UGGT2: variants seen among roughly 807,000 people sequenced by gnomAD.
UGGT2 encodes the protein UDP-glucose:glycoprotein glucosyltransferase 2.
In UGGT2, 180 loss-of-function variants were observed where a neutral mutation model predicts 192.1. The observed-to-expected ratio is 0.94, with a 90% confidence interval of 0.83 to 1.06. The LOEUF is 1.06. Ranked by LOEUF, UGGT2 falls within the 50% of genes least tolerant of loss-of-function variation. The probability of loss-of-function intolerance (pLI) is 0.00; values close to 1 mark genes in which losing one functional copy is unlikely to be tolerated. For synonymous variants in UGGT2, 580 were observed against 591.0 expected (o/e 0.98, Z 0.27); for missense variants, 1,849 against 1,795.7 (o/e 1.03, Z -0.54).
In UGGT2 at chr13:95,931,553, G is replaced by A. The variant is rs983091800; in HGVS notation, c.1978-4217C>T. Among the ~76,000 whole-genome samples the A allele has an allele frequency of 2.1e-3, 324 of 151,932 alleles. 3 individuals are homozygous for A. Among genetic ancestry groups the A allele is most frequent in the Non-Finnish European group, 3.3e-3 (223 of 67,882 alleles). On this transcript the variant is annotated intron_variant, in intron 17 of 38. Transcript: ENST00000376747. ...ACGGTGCCGGGGCAGGGTGGGGTGG[G>A]GTGGGGGTGGGGGGGAGGCTCAGGC...
At chr13:95,985,461 G>A in intron 9 of UGGT2, 1 of 281,238 alleles carries the variant, frequency 3.6e-6, no homozygotes, top group Middle Eastern at 9.1e-4. Context: ...TGAAGATTCT[G>A]TAATCTGTAT....
intron 2 of UGGT2, 72 bp downstream of exon 2, chr13:96,031,816 TA>T: frequency 1.7e-6 from 2 of 1,168,924 alleles, no homozygotes; most frequent in Non-Finnish European, 2.4e-6. Context: ...CCATTACCAT[TA>T]AAAAATAATA....
chr13:95,878,338 T>C (rs377020741), intron 27 of UGGT2, among the ~76,000 whole-genome samples: 7 of 152,100 alleles, frequency 4.6e-5, no homozygotes, highest in African/African-American at 1.4e-4. Flanking sequence ...ACTTCCAAAG[T>C]GGAAAGAAGA....
chr13:95,853,812 T>C (rs540756460), intron 35 of UGGT2, among the ~76,000 whole-genome samples, 155 bp from the exon 36 acceptor site: 81 of 152,338 alleles, frequency 5.3e-4, no homozygotes, highest in African/African-American at 1.9e-3. Context: ...TAATATCTAA[T>C]ACTGTTTCCC....
At chr13:95,888,539 G>A (rs9525077) in intron 25 of UGGT2, among the ~76,000 whole-genome samples, 128,903 of 152,182 alleles carry the variant, frequency 0.85, 54,787 homozygotes, top group East Asian at 0.93. Context: ...GAGAAGTAAC[G>A]AAACAGATAT....
intron 19 of UGGT2, 39 bp downstream of exon 19, chr13:95,926,989 T>C: frequency 6.5e-7 from 1 of 1,528,494 alleles, no homozygotes; most frequent in Non-Finnish European, 8.8e-7. Flanking sequence ...CAAGTTTCTA[T>C]CACTTTAAGA....
intron 36 of UGGT2, among the ~76,000 whole-genome samples, chr13:95,853,264 C>G (rs1889236653): frequency 6.6e-6 from 1 of 152,066 alleles, no homozygotes; most frequent in East Asian, 1.9e-4. Context: ...TCTTTATTAG[C>G]AGTGAGAACG....
At chr13:95,972,699 C>T (rs377274093) in intron 10 of UGGT2, 28 bp from the exon 11 acceptor site, 75 of 1,544,640 alleles carry the variant, frequency 4.9e-5, no homozygotes, top group African/African-American at 6.8e-5. Context: ...CAATAGTTAA[C>T]CAGTGATAGA....
chr13:96,020,644 A>T (rs903509378), intron 4 of UGGT2, among the ~76,000 whole-genome samples: 1 of 152,214 alleles, frequency 6.6e-6, no homozygotes, highest in African/African-American at 2.4e-5. Flanking sequence ...AGTTATCAGG[A>T]GACTACCATC....
At chr13:95,881,940 G>A (rs1309198348) in intron 27 of UGGT2, among the ~76,000 whole-genome samples, 2 of 146,942 alleles carry the variant, frequency 1.4e-5, no homozygotes, top group African/African-American at 5.1e-5. Flanking sequence ...ACAGAATCTC[G>A]CTCCGTCACC....
chr13:95,809,135 T>TA (rs1367903067), intron 38 of UGGT2, among the ~76,000 whole-genome samples: 5 of 152,192 alleles, frequency 3.3e-5, no homozygotes, highest in African/African-American at 9.7e-5. Flanking sequence ...TAGCTCTTTT[T>TA]AAAAAAAGCA....
rs1423670698 is a variant in UGGT2, at chr13:96,013,383, A to C, written c.584T>G (p.Phe195Cys). 1.9e-6 allele frequency: 3 copies of C among 1,607,680 alleles called. No homozygotes were observed. Among genetic ancestry groups the C allele is most frequent in the Non-Finnish European group, 1.7e-6 (2 of 1,178,532 alleles). The change falls in exon 5 of 39, where the codon TTT (phenylalanine) becomes TGT (cysteine). Residue 195 changes from phenylalanine to cysteine, a missense_variant. Phe to Cys is a radical substitution (Grantham distance 205, BLOSUM62 -2). Coordinates refer to ENST00000376747, the MANE Select transcript of UGGT2 (RefSeq NM_020121.4). ...ILYAEMGTRT[F>C]SAFHKVLSEK... The stretch of plus-strand genomic sequence containing the variant: ...AGACAATACTTTGTGAAATGCACTA[A>C]ATGTTCTAGTACCCATTTCGGCATA...
At chr13:95,836,330 G>GT (rs1383041395) in intron 37 of UGGT2, among the ~76,000 whole-genome samples, 1 of 152,202 alleles carries the variant, frequency 6.6e-6, no homozygotes, top group African/African-American at 2.4e-5. Flanking sequence ...GATTACAGGC[G>GT]TAAGCCACCG....
Position 95,867,349 on chromosome 13 carries a change from A to G in UGGT2, c.3548T>C (p.Leu1183Pro). 1 of 1,607,524 alleles carries G rather than the reference A, an allele frequency of 6.2e-7. No homozygotes were observed. Among genetic ancestry groups the G allele is most frequent in the Non-Finnish European group, 8.5e-7 (1 of 1,177,568 alleles). Reference protein sequence around the residue: ...VVLNSFKSKILKVKVKKETDK... With the variant: ...VVLNSFKSKIPKVKVKKETDK... ...TCTGCCCCCACATACTTTTACTTTG[A>G]GTATCTTGCTTTTGAAGCTGTTTAA... The change falls in exon 30 of 39, where the codon CTC (leucine) becomes CCC (proline). Residue 1183 changes from leucine (L) to proline (P), a missense_variant. Leu to Pro is a moderately conservative substitution (Grantham distance 98). Transcript: ENST00000376747.
At chr13:95,859,515 T>A in intron 33 of UGGT2, 76 bp downstream of exon 33, 1 of 1,159,854 alleles carries the variant, frequency 8.6e-7, no homozygotes, top group Non-Finnish European at 1.2e-6. Context: ...AAGAGAAATA[T>A]CATATAAACT....
intron 4 of UGGT2, 84 bp downstream of exon 4, chr13:96,022,956 A>G: frequency 7.6e-6 from 7 of 915,528 alleles, no homozygotes; most frequent in Non-Finnish European, 1.1e-5. Flanking sequence ...TAGAATATTA[A>G]ATTTTTTTTA....
chr13:95,950,612 A>AT (rs1471899545), intron 12 of UGGT2, among the ~76,000 whole-genome samples: 3 of 151,282 alleles, frequency 2.0e-5, no homozygotes, highest in Non-Finnish European at 4.4e-5. Context: ...AAAAAAGACA[A>AT]TAAAAAACCC....
At chr13:95,816,012 T>C (rs1884851702) in intron 38 of UGGT2, among the ~76,000 whole-genome samples, 2 of 152,096 alleles carry the variant, frequency 1.3e-5, no homozygotes, top group South Asian at 4.1e-4. Context: ...GTTCCTCCAA[T>C]GTAAGACACC....
intron 2 of UGGT2, among the ~76,000 whole-genome samples, chr13:96,029,224 C>T (rs1294742802): frequency 6.6e-6 from 1 of 152,132 alleles, no homozygotes; most frequent in East Asian, 1.9e-4. Context: ...GCAATAATAT[C>T]ACCACATGCA....
Sources: allele counts gnomAD v4.1 joint callset (sites outside exome capture counted in the v4.1 genomes callset), GRCh38; gene constraint gnomAD v4.1.1; transcripts MANE v1.5; gene names NCBI Gene and HGNC (gene_info 2026-07-23, HGNC 2026-07-21).